ARID1B: variants seen among roughly 807,000 people sequenced by gnomAD.
The protein encoded by ARID1B is AT-rich interaction domain 1B.
A neutral mutation model predicts 212.3 loss-of-function variants in ARID1B; 30 were observed. The ratio of observed to expected loss-of-function variants is 0.14; its 90% confidence interval spans 0.11 to 0.19. ARID1B has a LOEUF of 0.19. Ranked by LOEUF, ARID1B falls within the 10% of genes least tolerant of loss-of-function variation. The pLI is 1.00. For missense variants in ARID1B, 2,891 were observed against 3,204.0 expected (o/e 0.90, Z 2.36); for synonymous variants, 1,402 against 1,301.7 (o/e 1.08, Z -1.66).
intron 2 of ARID1B, among the ~76,000 whole-genome samples, chr6:156,838,527 A>G (rs287915): frequency 0.16 from 23,924 of 151,964 alleles, 2,050 homozygotes; most frequent in Middle Eastern, 0.19. Flanking sequence ...TGAAAGCAAG[A>G]GCTCTTAAAA....
intron 2 of ARID1B, among the ~76,000 whole-genome samples, chr6:156,848,087 A>C (rs917229357): frequency 2.6e-5 from 4 of 152,232 alleles, no homozygotes; most frequent in African/African-American, 9.6e-5. Flanking sequence ...AAATATAACT[A>C]ATGTCTGTGT....
At chr6:156,864,598 C>T (rs1486028167) in intron 2 of ARID1B, among the ~76,000 whole-genome samples, 1 of 152,204 alleles carries the variant, frequency 6.6e-6, no homozygotes, top group East Asian at 1.9e-4. Flanking sequence ...CCCATGCCCA[C>T]GTCCCCAGAG....
chr6:157,072,715 A>C (rs1784066974), intron 4 of ARID1B: 1 of 152,250 alleles, frequency 6.6e-6, no homozygotes, highest in African/African-American at 2.4e-5. Flanking sequence ...GTGATATTAT[A>C]AAACAAAAAT....
At chr6:156,983,095 A>G (rs1777706384) in intron 4 of ARID1B, among the ~76,000 whole-genome samples, 1 of 137,300 alleles carries the variant, frequency 7.3e-6, no homozygotes, top group Non-Finnish European at 1.6e-5. Flanking sequence ...ACCCTGTCTC[A>G]AAAAAAAAAA....
At chr6:156,959,936 T>G (rs887342415) in intron 4 of ARID1B, among the ~76,000 whole-genome samples, 5 of 148,766 alleles carry the variant, frequency 3.4e-5, no homozygotes, top group Non-Finnish European at 7.4e-5. Context: ...TTTTTTTTTT[T>G]TTTTTTTTTC....
intron 4 of ARID1B, among the ~76,000 whole-genome samples, chr6:157,060,410 G>A (rs1382628359): frequency 1.3e-5 from 2 of 152,034 alleles, no homozygotes; most frequent in South Asian, 2.1e-4. Flanking sequence ...ATGCAAACAC[G>A]AACATTACAT....
At chr6:157,179,781 AGGCATCC>A (rs1792374810) in intron 11 of ARID1B, among the ~76,000 whole-genome samples, 1 of 152,228 alleles carries the variant, frequency 6.6e-6, no homozygotes. Flanking sequence ...TTTCATTCTC[AGGCATCC>A]TTTCTGAGGG....
At chr6:156,888,535 A>G (rs528479549) in intron 2 of ARID1B, among the ~76,000 whole-genome samples, 2 of 152,246 alleles carry the variant, frequency 1.3e-5, no homozygotes, top group Admixed American at 6.5e-5. Flanking sequence ...CACGAATTCA[A>G]AATTACCAGT....
chr6:156,917,132 C>T (rs1001101831), intron 3 of ARID1B, among the ~76,000 whole-genome samples: 5 of 151,754 alleles, frequency 3.3e-5, no homozygotes, highest in African/African-American at 9.7e-5. Context: ...TAAGAAGTCA[C>T]CATTTTTTTT....
chr6:157,093,893 G>T (rs77466792), intron 5 of ARID1B, among the ~76,000 whole-genome samples: 1 of 152,216 alleles, frequency 6.6e-6, no homozygotes, highest in African/African-American at 2.4e-5. Flanking sequence ...AGCACTGAGT[G>T]TGTATTATGC....
intron 15 of ARID1B, among the ~76,000 whole-genome samples, chr6:157,191,392 C>T (rs35643786): frequency 0.18 from 27,311 of 151,858 alleles, 3,268 homozygotes; most frequent in Middle Eastern, 0.28. Flanking sequence ...AACCTGGAGT[C>T]CCTCTGGGGT....
At chr6:157,066,473 T>C (rs1783682486) in intron 4 of ARID1B, among the ~76,000 whole-genome samples, 1 of 152,224 alleles carries the variant, frequency 6.6e-6, no homozygotes, top group African/African-American at 2.4e-5. Flanking sequence ...TAAAGTATCT[T>C]CCATTAAATA....
intron 4 of ARID1B, among the ~76,000 whole-genome samples, chr6:157,001,691 T>C (rs1778922166): frequency 6.6e-6 from 1 of 152,170 alleles, no homozygotes; most frequent in Non-Finnish European, 1.5e-5. Flanking sequence ...AATGAGAAAG[T>C]GGAAGTTTTT....
intron 1 of ARID1B, among the ~76,000 whole-genome samples, chr6:156,793,440 A>G (rs906325745): frequency 3.3e-5 from 5 of 152,066 alleles, no homozygotes; most frequent in Non-Finnish European, 7.4e-5. Flanking sequence ...GGCTTAAGCA[A>G]TCCTCCCAGC....
intron 6 of ARID1B, among the ~76,000 whole-genome samples, chr6:157,117,885 T>C (rs1038632369): frequency 6.6e-6 from 1 of 152,170 alleles, no homozygotes; most frequent in African/African-American, 2.4e-5. Context: ...CCCAGATGCA[T>C]TTCCATGACT....
chr6:156,786,443 A>T (rs1779636253), intron 1 of ARID1B, among the ~76,000 whole-genome samples: 6 of 152,090 alleles, frequency 3.9e-5, no homozygotes, highest in Admixed American at 3.3e-4. Flanking sequence ...CTGTGAAGGG[A>T]GACTTCTAGA....
At chr6:157,109,579 T>C (rs1786746869) in intron 5 of ARID1B, among the ~76,000 whole-genome samples, 1 of 152,208 alleles carries the variant, frequency 6.6e-6, no homozygotes. Flanking sequence ...TTTTTAGTCT[T>C]AGAAATGCAT....
chr6:156,907,771 G>T (rs1789520827), intron 3 of ARID1B, among the ~76,000 whole-genome samples: 1 of 151,134 alleles, frequency 6.6e-6, no homozygotes, highest in African/African-American at 2.4e-5. Context: ...AGCCAGGCAT[G>T]TTGGCACACA....
chr6:156,895,854 G>T (rs1160253962), intron 2 of ARID1B, among the ~76,000 whole-genome samples: 1 of 152,046 alleles, frequency 6.6e-6, no homozygotes, highest in Admixed American at 6.6e-5. Flanking sequence ...CTGAAGCCAC[G>T]CCCCATAATC....
Sources: allele counts gnomAD v4.1 joint callset (sites outside exome capture counted in the v4.1 genomes callset), GRCh38; gene constraint gnomAD v4.1.1; transcripts MANE v1.5; gene names NCBI Gene and HGNC (gene_info 2026-07-23, HGNC 2026-07-21).